Variants in BAIAP2L1 observed in about 807,000 individuals in gnomAD.
BAIAP2L1 encodes the protein BAR/IMD domain containing adaptor protein 2 like 1, also known as BAR/IMD domain-containing adapter protein 2-like 1.
In BAIAP2L1, 35 loss-of-function variants were observed where a neutral mutation model predicts 66.3. The observed-to-expected ratio is 0.53, with a 90% CI of 0.40 to 0.70. BAIAP2L1 has a LOEUF of 0.70. Among genes scored for constraint, BAIAP2L1 ranks in the 30% least tolerant of loss-of-function variants. The probability of loss-of-function intolerance (pLI) is 0.00; values close to 1 mark genes in which losing one functional copy is unlikely to be tolerated. For synonymous variants in BAIAP2L1, 269 were observed against 248.7 expected (o/e 1.08, Z -0.77); for missense variants, 622 against 656.9 (o/e 0.95, Z 0.58).
chr7:98,370,490 A>G (rs1018661248), intron 1 of BAIAP2L1, among the ~76,000 whole-genome samples: 2 of 151,942 alleles, frequency 1.3e-5, no homozygotes, highest in African/African-American at 4.8e-5. Flanking sequence ...AGCTACAGAA[A>G]TGTTCCCTCC....
chr7:98,336,191 G>A (rs1801612939), intron 3 of BAIAP2L1, among the ~76,000 whole-genome samples: 2 of 152,126 alleles, frequency 1.3e-5, no homozygotes, highest in Non-Finnish European at 2.9e-5. Context: ...TAACTATTGT[G>A]TGCTATGCTC....
chr7:98,325,031 G>A (rs968379279), intron 3 of BAIAP2L1, among the ~76,000 whole-genome samples: 4 of 152,204 alleles, frequency 2.6e-5, no homozygotes, highest in African/African-American at 7.2e-5. Context: ...AAAAGTGGAA[G>A]CAGCCAATCT....
At chr7:98,319,255 T>G (rs75177753) in intron 5 of BAIAP2L1, among the ~76,000 whole-genome samples, 3,708 of 152,012 alleles carry the variant, frequency 0.024, 150 homozygotes, top group African/African-American at 0.085. Flanking sequence ...CAATACCGGG[T>G]CTGTAGGGCC....
rs77995324 is a variant in BAIAP2L1 at position 98,308,182 on chromosome 7, T to A, written c.956-286A>T. The A allele has an allele frequency of 8.8e-3, 5,096 of 579,586 alleles. 200 individuals carry two copies. Among genetic ancestry groups the A allele is most frequent in the African/African-American group, 0.084 (4,594 of 54,438 alleles). The allele number at this position is 579,586 out of a possible 1,614,324, so 35.9% of individuals were successfully genotyped here. On this transcript the variant is annotated intron_variant, in intron 9 of 13. Coordinates refer to ENST00000005260, the MANE Select transcript of BAIAP2L1 (RefSeq NM_018842.5). ...CAAGGACAAGGCGGTGTGTGCCGGG[T>A]TGATCTGCACTGCTTTAGCCAGGAT...
At chr7:98,392,273 A>G (rs1803064574) in intron 1 of BAIAP2L1, among the ~76,000 whole-genome samples, 1 of 150,732 alleles carries the variant, frequency 6.6e-6, no homozygotes, top group African/African-American at 2.4e-5. Flanking sequence ...TGAACCTGGG[A>G]GGCGGAGGTT....
At chr7:98,369,543 A>T (rs1364436981) in intron 1 of BAIAP2L1, among the ~76,000 whole-genome samples, 2 of 152,062 alleles carry the variant, frequency 1.3e-5, no homozygotes, top group Non-Finnish European at 2.9e-5. Flanking sequence ...AAGAAAACTG[A>T]CAGAGAGCCG....
chr7:98,394,000 G>C (rs1803137259), intron 1 of BAIAP2L1, among the ~76,000 whole-genome samples: 1 of 152,014 alleles, frequency 6.6e-6, no homozygotes, highest in Admixed American at 6.6e-5. Context: ...AGCACTTTGG[G>C]AGGCCAAGGT....
intron 10 of BAIAP2L1, chr7:98,307,420 T>C: frequency 7.7e-7 from 1 of 1,294,322 alleles, no homozygotes; most frequent in South Asian, 1.6e-5. Flanking sequence ...CTAAATTTTT[T>C]TTAAAAACAA....
chr7:98,330,340 C>T (rs745778777), intron 3 of BAIAP2L1, among the ~76,000 whole-genome samples: 2 of 152,136 alleles, frequency 1.3e-5, no homozygotes, highest in Non-Finnish European at 2.9e-5. Flanking sequence ...ATAAAGAACA[C>T]CCGAGACTGG....
chr7:98,340,110 T>C (rs1312761725), intron 3 of BAIAP2L1, among the ~76,000 whole-genome samples: 3 of 152,142 alleles, frequency 2.0e-5, no homozygotes, highest in African/African-American at 7.2e-5. Flanking sequence ...CAATTTTCTG[T>C]TCAAACACTT....
At position 98,397,364 on chromosome 7, in the gene BAIAP2L1, G is replaced by A. The variant is rs1165734940; in HGVS notation, c.51+3438C>T. On this transcript the variant is annotated intron_variant, in intron 1 of 13. Transcript: ENST00000005260. Reference sequence around the variant, plus strand: ...TTTTGAGATGGAGTCTCGCTCTGTCGCCCAGGCTGGAGTGCAGTGGCGCCA... The same window carrying A: ...TTTTGAGATGGAGTCTCGCTCTGTCACCCAGGCTGGAGTGCAGTGGCGCCA... Among the ~76,000 whole-genome samples, 4 of 119,132 alleles carry A rather than the reference G, an allele frequency of 3.4e-5. No individual in the cohort carries two copies. The Admixed American group carries it at 4.8e-4, about 14-fold the overall frequency. 78.2% of individuals were successfully genotyped at this position (119,132 alleles called of 152,430 possible).
intron 1 of BAIAP2L1, among the ~76,000 whole-genome samples, chr7:98,368,110 G>A (rs1176013440): frequency 6.6e-6 from 1 of 152,024 alleles, no homozygotes; most frequent in African/African-American, 2.4e-5. Context: ...TTCTGTCATT[G>A]TGAGAATGTT....
chr7:98,384,001 A>G (rs912760817), intron 1 of BAIAP2L1, among the ~76,000 whole-genome samples: 3 of 152,044 alleles, frequency 2.0e-5, no homozygotes, highest in Non-Finnish European at 4.4e-5. Context: ...TAAAAATACA[A>G]AAATTAGCTG....
intron 12 of BAIAP2L1, among the ~76,000 whole-genome samples, chr7:98,295,428 G>A (rs377578245): frequency 2.0e-5 from 3 of 152,190 alleles, no homozygotes; most frequent in South Asian, 2.1e-4. Flanking sequence ...GACTTCCTGC[G>A]GGGCACTCAA....
At chr7:98,307,996 C>T in intron 9 of BAIAP2L1, 100 bp from the exon 10 acceptor site, 1 of 1,134,710 alleles carries the variant, frequency 8.8e-7, no homozygotes, top group Non-Finnish European at 1.3e-6. Flanking sequence ...TCTCATCTTG[C>T]CAACAATGCT....
At chr7:98,378,801 C>T (rs1802690733) in intron 1 of BAIAP2L1, among the ~76,000 whole-genome samples, 1 of 151,740 alleles carries the variant, frequency 6.6e-6, no homozygotes, top group Non-Finnish European at 1.5e-5. Context: ...ATGTCCATGG[C>T]TCAGCACTTT....
intron 8 of BAIAP2L1, among the ~76,000 whole-genome samples, chr7:98,311,668 G>T (rs1358613448): frequency 2.6e-5 from 4 of 152,018 alleles, no homozygotes; most frequent in Non-Finnish European, 5.9e-5. Flanking sequence ...AGCACTTTGG[G>T]AGGCCGAGGC....
intron 3 of BAIAP2L1, among the ~76,000 whole-genome samples, chr7:98,341,412 G>A (rs903619913): frequency 4.6e-5 from 7 of 152,144 alleles, no homozygotes; most frequent in African/African-American, 1.7e-4. Context: ...TCCAGGTGCA[G>A]TGGCTCATGT....
chr7:98,400,985 C>T lies in BAIAP2L1; in HGVS notation c.-133G>A, dbSNP rs549233046. On this transcript the variant is annotated 5_prime_UTR_variant, in exon 1 of 14. Transcript: ENST00000005260. ...TCGGCCGCCGCCGCAGCCGTCGGCC[C>T]GAGAGTGCCCGCGCGCGTCTCCGCT... 2.9e-6 allele frequency: 2 copies of T among 696,190 alleles called. No individual in the cohort carries two copies. The highest frequency in any genetic ancestry group is 3.8e-5 in the African/African-American group (2 of 52,548). The allele number at this position is 696,190 out of a possible 1,614,324, so 43.1% of individuals were successfully genotyped here.
Sources: gnomAD v4.1 joint callset for allele counts (sites outside exome capture counted in the v4.1 genomes callset) on GRCh38, gnomAD v4.1.1 for gene constraint, MANE v1.5 for transcripts, NCBI Gene and HGNC (gene_info 2026-07-23, HGNC 2026-07-21) for gene names.